The following AGL variants were observed in gnomAD, a reference collection of about 807,000 sequenced individuals.
AGL encodes amylo-alpha-1,6-glucosidase and 4-alpha-glucanotransferase, also known as glycogen debranching enzyme.
In AGL, 128 loss-of-function variants were observed where a neutral mutation model predicts 199.3. The ratio of observed to expected loss-of-function variants is 0.64; its 90% CI spans 0.56 to 0.74. AGL has a LOEUF of 0.74. Among genes scored for constraint, AGL ranks in the 30% least tolerant of loss-of-function variants. The pLI is 0.00. For synonymous variants in AGL, 584 were observed against 594.7 expected, an observed-to-expected ratio of 0.98 and a Z score of 0.26; for missense variants, 1,809 against 1,820.8, an observed-to-expected ratio of 0.99 and a Z score of 0.12.
intron 27 of AGL, among the ~76,000 whole-genome samples, chr1:99,909,413 A>G (rs1401632679): frequency 6.6e-6 from 1 of 152,150 alleles, no homozygotes; most frequent in African/African-American, 2.4e-5. Context: ...GGTAGGGGAT[A>G]GGAGTCCAGG....
At chr1:99,877,166 C>T (rs1294683127) in intron 11 of AGL, among the ~76,000 whole-genome samples, 1 of 152,068 alleles carries the variant, frequency 6.6e-6, no homozygotes, top group African/African-American at 2.4e-5. Flanking sequence ...ATTCAGAAAT[C>T]TTAATGCTTT....
chr1:99,884,313 A>G, intron 18 of AGL, 26 bp from the exon 19 acceptor site: 1 of 1,612,312 alleles, frequency 6.2e-7, no homozygotes, highest in Non-Finnish European at 8.5e-7. Flanking sequence ...TGTTGAATGG[A>G]TTTTTTTAAT....
intron 25 of AGL, among the ~76,000 whole-genome samples, chr1:99,897,190 G>A (rs1398410895): frequency 6.6e-6 from 1 of 152,168 alleles, no homozygotes; most frequent in Non-Finnish European, 1.5e-5. Flanking sequence ...CACTACAGCA[G>A]TGCCACTCAA....
chr1:99,880,008 T>A lies in AGL; in HGVS notation c.1697T>A (p.Val566Asp), dbSNP rs368749710. The change falls in exon 13 of 34, where the codon GTC (valine) becomes GAC (aspartate). Residue 566 changes from valine (V) to aspartate (D), a missense_variant. Coordinates refer to ENST00000361915, the MANE Select transcript of AGL (RefSeq NM_000642.3). ...LFTGSEDLDN[V>D]FVTRLGISSL... ...ACAGGAAGTGAAGATCTGGACAATG[T>A]CTTTGTTACTAGACTGGGCATTAGT... 7 of 1,613,740 alleles carry A rather than the reference T, an allele frequency of 4.3e-6. No homozygotes were observed. The highest frequency in any genetic ancestry group is 5.9e-6 in the Non-Finnish European group (7 of 1,179,770).
Position 99,879,939 on chromosome 1 carries a change from C to CT in AGL, c.1629dup (p.Arg544Ter). ...TTTTTACAGTACATGTTGGATGCTG[C>CT]TAGGAATTTGCAACCCAATTTATAT... On this transcript the variant is annotated frameshift_variant, in exon 13 of 34. Coordinates refer to ENST00000361915, the MANE Select transcript of AGL (RefSeq NM_000642.3). LOFTEE classifies it high-confidence loss of function. 1 of 1,613,294 alleles carries CT rather than the reference C, an allele frequency of 6.2e-7. No homozygotes were observed. The highest frequency in any genetic ancestry group is 8.5e-7 in the Non-Finnish European group (1 of 1,179,514).
intron 25 of AGL, among the ~76,000 whole-genome samples, chr1:99,899,856 G>A (rs1241961562): frequency 4.0e-5 from 6 of 151,664 alleles, no homozygotes; most frequent in East Asian, 1.9e-4. Flanking sequence ...TCCTGACCTC[G>A]TGATCTACCC....
At chr1:99,862,899 T>C (rs755929289) in intron 4 of AGL, among the ~76,000 whole-genome samples, 11 of 152,122 alleles carry the variant, frequency 7.2e-5, no homozygotes, top group Admixed American at 1.3e-4. Flanking sequence ...ATGTTTAATT[T>C]TGTTTCTTAT....
Position 99,861,552 on chromosome 1 carries a change from T to TA in AGL, c.133dup (p.Thr45AsnfsTer14). The TA allele has an allele frequency of 6.2e-7, 1 of 1,614,016 alleles. No homozygotes were observed. Among genetic ancestry groups the TA allele is most frequent in the Non-Finnish European group, 8.5e-7 (1 of 1,179,962 alleles). On this transcript the variant is annotated frameshift_variant, in exon 3 of 34. Coordinates refer to ENST00000361915, the MANE Select transcript of AGL (RefSeq NM_000642.3). LOFTEE classifies it high-confidence loss of function. ...GCCCAACTTTACAGGGAAAAGCAGT[T>TA]ACCGTGTATACAAATTACCCATTTC...
chr1:99,900,322 C>G (rs1296379784), intron 25 of AGL, among the ~76,000 whole-genome samples: 5 of 152,034 alleles, frequency 3.3e-5, no homozygotes, highest in Non-Finnish European at 7.4e-5. Flanking sequence ...TTTGAAATAC[C>G]ATAGACTTCA....
chr1:99,862,941 TAA>T (rs11291815), intron 4 of AGL, among the ~76,000 whole-genome samples: 3 of 151,016 alleles, frequency 2.0e-5, no homozygotes, highest in African/African-American at 4.9e-5. Context: ...AGAACCATAT[TAA>T]AAAAAAATTT....
In AGL at chr1:99,877,264, C is replaced by T. The variant is rs978187666; in HGVS notation, c.1424-377C>T. 3.3e-5 allele frequency among the ~76,000 whole-genome samples: 5 copies of T among 152,094 alleles called. No individual in the cohort carries two copies. In the Middle Eastern group the frequency reaches 0.017, roughly 517 times the overall value. On this transcript the variant is annotated intron_variant, in intron 11 of 33. Coordinates refer to ENST00000361915, the MANE Select transcript of AGL (RefSeq NM_000642.3). ...GAAATCAAGCCATTCTGCTGTATGC[C>T]ATGGATCTAATACAACCTGTTGCCG...
chr1:99,868,285 T>C (rs1261477763), intron 5 of AGL, among the ~76,000 whole-genome samples: 1 of 152,174 alleles, frequency 6.6e-6, no homozygotes, highest in Admixed American at 6.5e-5. Context: ...TTTCAAAATA[T>C]TGAAAAAAGA....
intron 21 of AGL, among the ~76,000 whole-genome samples, 171 bp downstream of exon 21, chr1:99,888,279 A>G (rs369885621): frequency 6.6e-6 from 1 of 152,190 alleles, no homozygotes; most frequent in East Asian, 1.9e-4. Flanking sequence ...TTTGTGTGCC[A>G]ATTTCTGCTT....
At chr1:99,870,684 T>TA (rs1650917519) in intron 6 of AGL, 74 bp from the exon 7 acceptor site, 1 of 1,449,828 alleles carries the variant, frequency 6.9e-7, no homozygotes, top group African/African-American at 1.4e-5. Context: ...TTTAATATGA[T>TA]AAACAGTATT....
intron 24 of AGL, among the ~76,000 whole-genome samples, chr1:99,894,151 G>A (rs1301680185): frequency 1.3e-5 from 2 of 151,624 alleles, no homozygotes; most frequent in African/African-American, 4.9e-5. Context: ...TCACACCACT[G>A]CACTGCAGCC....
chr1:99,865,030 C>G (rs575111917), intron 5 of AGL, among the ~76,000 whole-genome samples: 1 of 152,306 alleles, frequency 6.6e-6, no homozygotes, highest in South Asian at 2.1e-4. Context: ...ATGACAAACT[C>G]TCATGCCATC....
chr1:99,877,585 G>A, intron 11 of AGL, 56 bp from the exon 12 acceptor site: 1 of 1,518,190 alleles, frequency 6.6e-7, no homozygotes, highest in Non-Finnish European at 9.1e-7. Context: ...TTTCCTTGAA[G>A]TAATTGTTTT....
rs75355246 is a variant in AGL, at chr1:99,862,009, A to G, written c.294-248A>G. The stretch of plus-strand genomic sequence containing the variant: ...TGTTATTACTGATAGGTTTTAGTAT[A>G]CTTATATTTCATTAAACCAACATTC... On this transcript the variant is annotated intron_variant, in intron 3 of 33. Coordinates refer to ENST00000361915, the MANE Select transcript of AGL (RefSeq NM_000642.3). Among the ~76,000 whole-genome samples the G allele has an allele frequency of 1.2e-4, 18 of 152,290 alleles. No individual in the cohort carries two copies. In the East Asian group the frequency reaches 3.3e-3, roughly 28 times the overall value.
At chr1:99,875,292 A>T (rs1317899616) in intron 9 of AGL, 36 bp downstream of exon 9, 3 of 1,611,934 alleles carry the variant, frequency 1.9e-6, no homozygotes, top group South Asian at 2.2e-5. Context: ...TTTTCCTTGC[A>T]TCTTACTACT....
Sources: allele counts gnomAD v4.1 joint callset (sites outside exome capture counted in the v4.1 genomes callset), GRCh38; gene constraint gnomAD v4.1.1; transcripts MANE v1.5; gene names NCBI Gene and HGNC (gene_info 2026-07-23, HGNC 2026-07-21).